The following NETO1 variants were observed in gnomAD, a reference collection of about 807,000 sequenced individuals.
The protein encoded by NETO1 is neuropilin and tolloid like 1.
NETO1 carries 26 observed loss-of-function variants against 61.3 expected under a neutral mutation model. That is an observed-to-expected ratio of 0.42 (90% CI 0.31 to 0.59). The LOEUF (loss-of-function observed/expected upper bound fraction) is 0.59. NETO1 is among the 20% of genes least tolerant of loss of function. The pLI is 0.12. For synonymous variants in NETO1, 225 were observed against 225.8 expected (o/e 1.00, Z 0.03); for missense variants, 531 against 662.8 (o/e 0.80, Z 2.18).
chr18:72,819,180 C>T (rs1436799195), intron 4 of NETO1, among the ~76,000 whole-genome samples: 3 of 152,106 alleles, frequency 2.0e-5, no homozygotes, highest in Admixed American at 2.0e-4. Context: ...CTCTCTCAAA[C>T]TTCCTTCCAC....
At chr18:72,766,708 A>T (rs1274993549) in intron 7 of NETO1, among the ~76,000 whole-genome samples, 1 of 152,182 alleles carries the variant, frequency 6.6e-6, no homozygotes, top group Non-Finnish European at 1.5e-5. Flanking sequence ...TTGTGCAAAA[A>T]TTACATATTC....
At chr18:72,757,962 T>C (rs1434076319) in intron 7 of NETO1, among the ~76,000 whole-genome samples, 1 of 152,204 alleles carries the variant, frequency 6.6e-6, no homozygotes, top group Non-Finnish European at 1.5e-5. Context: ...TTTGAAAGTA[T>C]AATTACCCAT....
intron 4 of NETO1, among the ~76,000 whole-genome samples, chr18:72,823,281 G>A (rs1451996741): frequency 6.6e-6 from 1 of 152,160 alleles, no homozygotes; most frequent in Non-Finnish European, 1.5e-5. Context: ...GCAGTGATAA[G>A]CAATGAGTGC....
rs1310299238 is a variant in NETO1, at chr18:72,743,947, T to C, written c.*4232A>G. 6.6e-6 allele frequency: 1 copy of C among 152,084 alleles called. No homozygotes were observed. The highest frequency in any genetic ancestry group is 2.4e-5 in the African/African-American group (1 of 41,416). The allele number at this position is 152,084 out of a possible 1,614,324, so 9.4% of individuals were successfully genotyped here. ...CAGAAGTTGGGGACAAAAAAGAACA[T>C]GTTGGCTGCACAGTACTTACAGATA... On this transcript the variant is annotated 3_prime_UTR_variant, in exon 11 of 11. Transcript: ENST00000327305.
intron 9 of NETO1, 70 bp downstream of exon 9, chr18:72,749,992 G>GA: frequency 1.1e-5 from 13 of 1,173,962 alleles, no homozygotes; most frequent in Non-Finnish European, 1.6e-5. Flanking sequence ...AGACAAAATA[G>GA]AAGACAATAC....
chr18:72,861,180 G>C (rs114276732), intron 3 of NETO1, among the ~76,000 whole-genome samples: 5 of 152,088 alleles, frequency 3.3e-5, no homozygotes, highest in African/African-American at 4.8e-5. Flanking sequence ...TCAACCTCTC[G>C]ATGTTCCCCA....
intron 6 of NETO1, among the ~76,000 whole-genome samples, chr18:72,790,461 T>G (rs1389241944): frequency 6.6e-6 from 1 of 152,152 alleles, no homozygotes; most frequent in African/African-American, 2.4e-5. Context: ...GCTCTGTTGC[T>G]AACTAGCCAA....
At chr18:72,845,456 G>C (rs1399687724) in intron 4 of NETO1, among the ~76,000 whole-genome samples, 7 of 152,032 alleles carry the variant, frequency 4.6e-5, no homozygotes, top group Admixed American at 3.9e-4. Context: ...ATATATGATA[G>C]TAATATTTAA....
chr18:72,786,124 G>T (rs1423571012), intron 6 of NETO1, among the ~76,000 whole-genome samples: 1 of 152,034 alleles, frequency 6.6e-6, no homozygotes. Context: ...GAATTCCTTT[G>T]TTCAGCATTC....
chr18:72,834,071 C>T (rs2073664877), intron 4 of NETO1: 1 of 927,922 alleles, frequency 1.1e-6, no homozygotes, highest in Non-Finnish European at 1.3e-6. Flanking sequence ...TAAAGAAAGG[C>T]TTAGTTGTGT....
At chr18:72,748,314 C>G (rs1267852744) in intron 10 of NETO1, 150 bp from the exon 11 acceptor site, 2 of 983,844 alleles carry the variant, frequency 2.0e-6, no homozygotes, top group African/African-American at 3.5e-5. Context: ...GATTAGCTGT[C>G]AAGCAGATTC....
At chr18:72,860,508 G>A (rs752771187) in intron 3 of NETO1, among the ~76,000 whole-genome samples, 2 of 151,938 alleles carry the variant, frequency 1.3e-5, no homozygotes, top group African/African-American at 4.8e-5. Flanking sequence ...TGCTCCCCAG[G>A]TATAAAATTA....
At position 72,756,081 on chromosome 18, in the gene NETO1, T is replaced by C. The variant is rs202157971; in HGVS notation, c.935A>G (p.Asn312Ser). Residue 312 changes from asparagine (N) to serine (S), a missense_variant, in exon 8 of 11, where the codon AAT (asparagine) becomes AGT (serine). By Grantham distance (46) the Asn-to-Ser change is conservative. Coordinates refer to ENST00000327305, the MANE Select transcript of NETO1 (RefSeq NM_138966.5). ...AGGATACACACAGTTCTGGAGTCCA[T>C]TGCAGACCAAAGTATTATTAATACA... is the stretch of plus-strand genomic sequence containing the variant. ...NMCINNTLVC[N>S]GLQNCVYPWD... 1.2e-6 allele frequency: 2 copies of C among 1,611,048 alleles called. No individual in the cohort carries two copies. Among genetic ancestry groups the C allele is most frequent in the Non-Finnish European group, 1.7e-6 (2 of 1,177,494 alleles).
At chr18:72,778,462 G>T (rs1233519910) in intron 7 of NETO1, among the ~76,000 whole-genome samples, 1 of 151,898 alleles carries the variant, frequency 6.6e-6, no homozygotes, top group Non-Finnish European at 1.5e-5. Flanking sequence ...TTTATGACAG[G>T]CAGTCAGGAG....
chr18:72,787,252 C>G (rs763008626), intron 6 of NETO1, among the ~76,000 whole-genome samples: 1 of 150,932 alleles, frequency 6.6e-6, no homozygotes, highest in Non-Finnish European at 1.5e-5. Context: ...AAAAAAGATG[C>G]AATTATAATT....
At chr18:72,794,304 T>C (rs1446789347) in intron 5 of NETO1, 59 bp downstream of exon 5, 11 of 1,613,578 alleles carry the variant, frequency 6.8e-6, no homozygotes, top group Non-Finnish European at 8.5e-6. Context: ...AAACCAAAAG[T>C]GTATTTCATA....
At chr18:72,806,978 T>C (rs1036142278) in intron 4 of NETO1, among the ~76,000 whole-genome samples, 1 of 152,216 alleles carries the variant, frequency 6.6e-6, no homozygotes, top group African/African-American at 2.4e-5. Context: ...ACCAGAGTGT[T>C]TGTAGTTTTT....
chr18:72,806,469 G>A (rs1026953476), intron 4 of NETO1, among the ~76,000 whole-genome samples: 4 of 152,052 alleles, frequency 2.6e-5, no homozygotes, highest in Non-Finnish European at 5.9e-5. Flanking sequence ...CCTATACATA[G>A]TAGTTGGCAT....
rs1359170961 is a variant in NETO1, at chr18:72,747,801, T to C, written c.*378A>G. On this transcript the variant is annotated 3_prime_UTR_variant, in exon 11 of 11. Transcript: ENST00000327305. ...CAAGGTTCATCCAAATTCGTGTTTTTTTTTCACATATCACACAATGTACAA... is the reference window on the plus strand; with the variant it reads ...CAAGGTTCATCCAAATTCGTGTTTTCTTTTCACATATCACACAATGTACAA... 6.6e-6 allele frequency: 1 copy of C among 152,092 alleles called. No individual in the cohort carries two copies. The highest frequency in any genetic ancestry group is 1.5e-5 in the Non-Finnish European group (1 of 67,966). 9.4% of individuals were successfully genotyped at this position (152,092 alleles called of 1,614,324 possible).
Sources: gnomAD v4.1 joint callset for allele counts (sites outside exome capture counted in the v4.1 genomes callset) on GRCh38, gnomAD v4.1.1 for gene constraint, MANE v1.5 for transcripts, NCBI Gene and HGNC (gene_info 2026-07-23, HGNC 2026-07-21) for gene names.